The following TBCA variants were observed in gnomAD, a reference collection of about 807,000 sequenced individuals.
The protein encoded by TBCA is tubulin folding cofactor A.
TBCA carries 6 observed loss-of-function variants against 15.8 expected under a neutral mutation model. The observed-to-expected ratio is 0.38, with a 90% CI of 0.21 to 0.75. TBCA has a LOEUF of 0.75. TBCA is among the 30% of genes least tolerant of loss of function. TBCA has a pLI of 0.46. For missense variants in TBCA, 90 were observed against 131.2 expected (o/e 0.69, Z 1.53); for synonymous variants, 32 against 42.3 (o/e 0.76, Z 0.94).
rs1285324271 is a variant in TBCA, at chr5:77,732,329, TTTTG to T, written c.54-23986_54-23983del. Reference sequence around the variant, plus strand: ...TTACTGCACTTTGCTGATGTTGGATTTTTGTTTTTTTATTTCATTCTTTCTTTTT... The same window carrying T: ...TTACTGCACTTTGCTGATGTTGGATTTTTTTTTATTTCATTCTTTCTTTTT... On this transcript the variant is annotated intron_variant, in intron 1 of 3. Transcript: ENST00000380377. 2.6e-5 allele frequency among the ~76,000 whole-genome samples: 4 copies of T among 152,130 alleles called. No homozygotes were observed. The East Asian group carries it at 7.7e-4, about 29-fold the overall frequency.
intron 1 of TBCA, among the ~76,000 whole-genome samples, chr5:77,773,999 TCTGAATGGACCCCTCC>T (rs1294168812): frequency 4.6e-5 from 7 of 152,186 alleles, no homozygotes; most frequent in Non-Finnish European, 7.3e-5. Context: ...TCCAAAACCG[TCTGAATGGACCCCTCC>T]TCTCAACTAA....
At chr5:77,757,124 T>C (rs1481074695) in intron 1 of TBCA, among the ~76,000 whole-genome samples, 1 of 152,198 alleles carries the variant, frequency 6.6e-6, no homozygotes, top group Non-Finnish European at 1.5e-5. Context: ...AATTTGGAAT[T>C]CTCATTCAGA....
At chr5:77,699,581 C>G (rs574412163) in intron 2 of TBCA, among the ~76,000 whole-genome samples, 8 of 152,190 alleles carry the variant, frequency 5.3e-5, no homozygotes, top group African/African-American at 1.9e-4. Flanking sequence ...ATAAAAATTA[C>G]CTCAAAACGG....
At chr5:77,766,848 C>A (rs977354898) in intron 1 of TBCA, among the ~76,000 whole-genome samples, 4 of 152,124 alleles carry the variant, frequency 2.6e-5, no homozygotes, top group Non-Finnish European at 5.9e-5. Flanking sequence ...TGATGTGTTC[C>A]CCCTCATAAA....
intron 2 of TBCA, among the ~76,000 whole-genome samples, chr5:77,706,830 A>G (rs1278151580): frequency 7.4e-6 from 1 of 135,002 alleles, no homozygotes; most frequent in African/African-American, 2.8e-5. Context: ...AAAAAAAAAG[A>G]AAGAAAGAAA....
intron 2 of TBCA, among the ~76,000 whole-genome samples, chr5:77,697,194 A>T (rs1043278757): frequency 2.0e-5 from 3 of 152,230 alleles, no homozygotes; most frequent in African/African-American, 7.2e-5. Context: ...GAAATATTAG[A>T]TGAAAATCAG....
At chr5:77,774,913 C>A (rs1435158390) in intron 1 of TBCA, among the ~76,000 whole-genome samples, 1 of 150,450 alleles carries the variant, frequency 6.6e-6, no homozygotes, top group Non-Finnish European at 1.5e-5. Context: ...AAAGAAAAGT[C>A]AAGCTGGGAA....
chr5:77,694,957 A>C (rs1295305440), intron 2 of TBCA, among the ~76,000 whole-genome samples: 3 of 152,158 alleles, frequency 2.0e-5, no homozygotes, highest in East Asian at 3.8e-4. Flanking sequence ...TACACATTTA[A>C]CCACTGCCAT....
chr5:77,763,181 T>G (rs1747685766), intron 1 of TBCA, among the ~76,000 whole-genome samples: 1 of 152,036 alleles, frequency 6.6e-6, no homozygotes, highest in Non-Finnish European at 1.5e-5. Context: ...GAGGCGGAGC[T>G]TGCAGTGAGT....
intron 1 of TBCA, among the ~76,000 whole-genome samples, chr5:77,729,335 C>T (rs973735538): frequency 1.3e-5 from 2 of 151,972 alleles, no homozygotes; most frequent in African/African-American, 4.8e-5. Flanking sequence ...GAGAGAGAAG[C>T]ATAATACCAT....
At chr5:77,768,259 T>G (rs1316994937) in intron 1 of TBCA, among the ~76,000 whole-genome samples, 2 of 152,216 alleles carry the variant, frequency 1.3e-5, no homozygotes, top group Non-Finnish European at 2.9e-5. Flanking sequence ...TTACTACATA[T>G]CAGGCATTTG....
Position 77,693,292 on chromosome 5 carries a change from C to A in TBCA, c.220G>T (p.Ala74Ser). 1 of 1,613,752 alleles carries A rather than the reference C, an allele frequency of 6.2e-7. No individual in the cohort carries two copies. The highest frequency in any genetic ancestry group is 8.5e-7 in the Non-Finnish European group (1 of 1,179,908). Reference sequence around the variant, plus strand: ...AGTATCCGTTGAAGATCCAAATATGCGGCTTCCAACCTGCGCTGGCAATCT... The same window carrying A: ...AGTATCCGTTGAAGATCCAAATATGAGGCTTCCAACCTGCGCTGGCAATCT... ...IPDCQRRLEA[A>S]YLDLQRILEN... is the part of the protein sequence containing the mutation. Residue 74 changes from alanine (A) to serine (S), a missense_variant, in exon 3 of 4, where the codon GCA (alanine) becomes TCA (serine). Physicochemically the swap from Ala to Ser is moderately conservative, Grantham distance 99. Transcript: ENST00000380377.
At chr5:77,706,896 T>C (rs866186714) in intron 2 of TBCA, among the ~76,000 whole-genome samples, 1 of 151,720 alleles carries the variant, frequency 6.6e-6, no homozygotes, top group Non-Finnish European at 1.5e-5. Flanking sequence ...GAGAAAGAGA[T>C]AAAAATATCA....
intron 1 of TBCA, among the ~76,000 whole-genome samples, chr5:77,722,692 C>T (rs1746552271): frequency 6.6e-6 from 1 of 151,924 alleles, no homozygotes; most frequent in East Asian, 1.9e-4. Context: ...CAGATTCCAT[C>T]AACTTGGAAT....
intron 2 of TBCA, among the ~76,000 whole-genome samples, chr5:77,696,224 G>A (rs917016455): frequency 6.6e-6 from 1 of 152,090 alleles, no homozygotes; most frequent in African/African-American, 2.4e-5. Flanking sequence ...CTCTAATATT[G>A]GCTACTGGCT....
chr5:77,748,778 C>T (rs181780338), intron 1 of TBCA, among the ~76,000 whole-genome samples: 151 of 152,178 alleles, frequency 9.9e-4, no homozygotes, highest in African/African-American at 3.3e-3. Flanking sequence ...AGAAGCCTTA[C>T]CAATAACATA....
At chr5:77,708,523 C>T (rs1746201249) in intron 1 of TBCA, 176 bp from the exon 2 acceptor site, 1 of 465,730 alleles carries the variant, frequency 2.1e-6, no homozygotes. Flanking sequence ...GATCCTCATG[C>T]TCTTAAGTCC....
chr5:77,752,535 T>TAATAGAGACG (rs1561280998), intron 1 of TBCA, among the ~76,000 whole-genome samples: 2 of 94,386 alleles, frequency 2.1e-5, no homozygotes, highest in Admixed American at 1.1e-4. Flanking sequence ...GGCTTATTTT[T>TAATAGAGACG]GTTTTGTTTT....
intron 1 of TBCA, among the ~76,000 whole-genome samples, chr5:77,730,276 A>C (rs1193446732): frequency 6.6e-6 from 1 of 152,188 alleles, no homozygotes; most frequent in Non-Finnish European, 1.5e-5. Flanking sequence ...ATTAGGGAAG[A>C]CACATAAGGT....
Sources: gnomAD v4.1 joint callset for allele counts (sites outside exome capture counted in the v4.1 genomes callset) on GRCh38, gnomAD v4.1.1 for gene constraint, MANE v1.5 for transcripts, NCBI Gene and HGNC (gene_info 2026-07-23, HGNC 2026-07-21) for gene names.